ZYG11B: variants seen among roughly 807,000 people sequenced by gnomAD.
ZYG11B encodes zyg-11 family member B, cell cycle regulator, also known as protein zyg-11 homolog B.
ZYG11B carries 36 observed loss-of-function variants against 82.4 expected under a neutral mutation model. That is an observed-to-expected ratio of 0.44 (90% confidence interval 0.33 to 0.58). The LOEUF is 0.58. Ranked by LOEUF, ZYG11B falls within the 20% of genes least tolerant of loss-of-function variation. ZYG11B has a pLI of 0.02. For missense variants in ZYG11B, 552 were observed against 895.6 expected (o/e 0.62, Z 4.90); for synonymous variants, 303 against 312.8 (o/e 0.97, Z 0.33).
chr1:52,732,897 C>G (rs1400140076), intron 1 of ZYG11B, among the ~76,000 whole-genome samples: 1 of 151,954 alleles, frequency 6.6e-6, no homozygotes, highest in Non-Finnish European at 1.5e-5. Flanking sequence ...TCACTTGAAC[C>G]CGGGGGGCGC....
intron 5 of ZYG11B, among the ~76,000 whole-genome samples, chr1:52,788,838 G>A (rs1022329815): frequency 6.6e-6 from 1 of 152,236 alleles, no homozygotes; most frequent in African/African-American, 2.4e-5. Context: ...TAAAGGAACA[G>A]GAGGGATGGG....
At chr1:52,763,570 T>C (rs1414491659) in intron 2 of ZYG11B, among the ~76,000 whole-genome samples, 1 of 152,150 alleles carries the variant, frequency 6.6e-6, no homozygotes, top group Non-Finnish European at 1.5e-5. Flanking sequence ...TCCTCCTGCC[T>C]CAGCCACCCA....
At chr1:52,733,895 A>C (rs1644356349) in intron 1 of ZYG11B, among the ~76,000 whole-genome samples, 1 of 152,190 alleles carries the variant, frequency 6.6e-6, no homozygotes, top group Non-Finnish European at 1.5e-5. Context: ...TCAGTAGATA[A>C]ATTGTTGGAT....
chr1:52,757,066 CAG>C (rs1410599610), intron 2 of ZYG11B, among the ~76,000 whole-genome samples: 8 of 149,886 alleles, frequency 5.3e-5, no homozygotes, highest in African/African-American at 2.0e-4. Flanking sequence ...TTTTAAGAAA[CAG>C]GGCCTTGTTC....
At chr1:52,737,790 A>G (rs370369818) in intron 1 of ZYG11B, among the ~76,000 whole-genome samples, 1 of 152,248 alleles carries the variant, frequency 6.6e-6, no homozygotes, top group Non-Finnish European at 1.5e-5. Flanking sequence ...ACTGAGCAGT[A>G]TGATGTTTCA....
chr1:52,744,396 A>T (rs1219598662), intron 1 of ZYG11B, among the ~76,000 whole-genome samples: 2 of 152,190 alleles, frequency 1.3e-5, no homozygotes, highest in Non-Finnish European at 2.9e-5. Flanking sequence ...CATTTCTCAG[A>T]ATATATTCCT....
chr1:52,745,272 G>A (rs1262300939), intron 1 of ZYG11B, among the ~76,000 whole-genome samples: 1 of 152,184 alleles, frequency 6.6e-6, no homozygotes, highest in Non-Finnish European at 1.5e-5. Flanking sequence ...CATTTAGGAA[G>A]ACCAATAAAA....
intron 13 of ZYG11B, among the ~76,000 whole-genome samples, chr1:52,820,150 G>A (rs1230510344): frequency 2.0e-5 from 3 of 151,230 alleles, no homozygotes; most frequent in African/African-American, 4.9e-5. Flanking sequence ...TCCTGACCTC[G>A]TTATCTGCTC....
rs1644791592 is a variant in ZYG11B at position 52,774,937 on chromosome 1, C to T, written c.951+3163C>T. On this transcript the variant is annotated intron_variant, in intron 3 of 13. Transcript: ENST00000294353. ...TGCTGTAGCTCCCAACTCATGAGAACATTGAAAATCTGCTAAACCCAGTGT... is the reference window on the plus strand; with the variant it reads ...TGCTGTAGCTCCCAACTCATGAGAATATTGAAAATCTGCTAAACCCAGTGT... Among the ~76,000 whole-genome samples, 3 of 152,244 alleles carry T rather than the reference C, an allele frequency of 2.0e-5. 1 individual carries two copies. The South Asian group carries it at 6.2e-4, about 32-fold the overall frequency.
chr1:52,737,860 TG>T (rs1188407147), intron 1 of ZYG11B, among the ~76,000 whole-genome samples: 1 of 152,226 alleles, frequency 6.6e-6, no homozygotes, highest in African/African-American at 2.4e-5. Context: ...TTGTGATAGA[TG>T]AAAAAAATTG....
At chr1:52,729,732 C>T (rs1277843338) in intron 1 of ZYG11B, among the ~76,000 whole-genome samples, 3 of 151,998 alleles carry the variant, frequency 2.0e-5, no homozygotes, top group East Asian at 1.9e-4. Context: ...CCCAGCTACT[C>T]GGGAGGCTGA....
intron 1 of ZYG11B, among the ~76,000 whole-genome samples, chr1:52,751,092 C>T (rs1405205623): frequency 2.0e-5 from 3 of 152,026 alleles, no homozygotes; most frequent in Non-Finnish European, 2.9e-5. Context: ...TGTAACCTCC[C>T]ACTTCAGCTC....
chr1:52,821,745 G>A lies in ZYG11B; in HGVS notation c.*116G>A, dbSNP rs1571806846. The A allele has an allele frequency of 1.0e-6, 1 of 983,770 alleles. No homozygotes were observed. Among genetic ancestry groups the A allele is most frequent in the East Asian group, 2.6e-5 (1 of 38,656 alleles). 60.9% of individuals were successfully genotyped at this position (983,770 alleles called of 1,614,324 possible). ...TTCTATGACAAGAGTCATAAAATCA[G>A]TTTGGGATTGATAATGTGTAGTACT... On this transcript the variant is annotated 3_prime_UTR_variant, in exon 14 of 14. Transcript: ENST00000294353.
At chr1:52,800,473 G>A (rs1645066918) in intron 8 of ZYG11B, among the ~76,000 whole-genome samples, 1 of 151,798 alleles carries the variant, frequency 6.6e-6, no homozygotes, top group South Asian at 2.1e-4. Flanking sequence ...AGGTTTTTTA[G>A]GAAATCTACT....
In ZYG11B at chr1:52,779,880, A is replaced by G; in HGVS notation, c.979A>G (p.Ile327Val). Residue 327 changes from isoleucine (I) to valine (V), a missense_variant, in exon 4 of 14, where the codon ATT (isoleucine) becomes GTT (valine). Ile to Val is a conservative substitution (Grantham distance 29, BLOSUM62 3). Coordinates refer to ENST00000294353, the MANE Select transcript of ZYG11B (RefSeq NM_024646.3). ...GTCTGGGGAAGCCAATGAAACTCAG[A>G]TTGCAGAAGCACTGAAGCGTTACAG... The part of the protein sequence containing the change: ...KVSGEANETQ[I>V]AEALKRYSER... 1 of 1,614,096 alleles carries G rather than the reference A, an allele frequency of 6.2e-7. No homozygotes were observed. Among genetic ancestry groups the G allele is most frequent in the African/African-American group, 1.3e-5 (1 of 75,052 alleles).
At chr1:52,764,210 G>T (rs1438106533) in intron 2 of ZYG11B, among the ~76,000 whole-genome samples, 1 of 151,882 alleles carries the variant, frequency 6.6e-6, no homozygotes. Context: ...TGCAACCTCC[G>T]CCTCCCAGGT....
At chr1:52,735,529 T>C (rs904111440) in intron 1 of ZYG11B, among the ~76,000 whole-genome samples, 2 of 152,004 alleles carry the variant, frequency 1.3e-5, no homozygotes, top group Non-Finnish European at 2.9e-5. Context: ...CGTGCCACTC[T>C]TCCTACTCAG....
Position 52,814,020 on chromosome 1 carries a change from G to GTTAT in ZYG11B, c.1946+123_1946+126dup, listed in dbSNP as rs58646631. On this transcript the variant is annotated intron_variant, in intron 12 of 13. Transcript: ENST00000294353. ...TTTTCCCTCAGGCACCTCAATATTGGTTATTTATTTATTTATTTTGAGACA... is the reference window on the plus strand; with the variant it reads ...TTTTCCCTCAGGCACCTCAATATTGGTTATTTATTTATTTATTTATTTTGAGACA... 9,614 of 990,180 alleles carry GTTAT rather than the reference G, an allele frequency of 9.7e-3. 617 individuals carry two copies. The African/African-American group carries it at 0.14, about 15-fold the overall frequency. 61.3% of individuals were successfully genotyped at this position (990,180 alleles called of 1,614,324 possible). A position where few individuals can be genotyped will look rare whatever the true frequency, so the allele number is the denominator to read the frequency against.
rs1460025007 is a variant in ZYG11B, at chr1:52,826,566, C to G, written c.*4937C>G. ...ATTATGCATTCTTTGGTTTCCAAAT[C>G]TTAATCTAAGATACTTTGTTAACTG... is the stretch of plus-strand genomic sequence containing the variant. On this transcript the variant is annotated 3_prime_UTR_variant, in exon 14 of 14. Transcript: ENST00000294353. 2 of 152,162 alleles carry G rather than the reference C, an allele frequency of 1.3e-5. No individual in the cohort carries two copies. The highest frequency in any genetic ancestry group is 2.4e-5 in the African/African-American group (1 of 41,440). The allele number at this position is 152,162 out of a possible 1,614,324, so 9.4% of individuals were successfully genotyped here.
Sources: gnomAD v4.1 joint callset for allele counts (sites outside exome capture counted in the v4.1 genomes callset) on GRCh38, gnomAD v4.1.1 for gene constraint, MANE v1.5 for transcripts, NCBI Gene and HGNC (gene_info 2026-07-23, HGNC 2026-07-21) for gene names.